AGAP1: variants seen among roughly 807,000 people sequenced by gnomAD.
AGAP1 encodes the protein ArfGAP with GTPase domain, ankyrin repeat and PH domain 1, also known as arf-GAP with GTPase, ANK repeat and PH domain-containing protein 1.
A neutral mutation model predicts 105.3 loss-of-function variants in AGAP1; 29 were observed. That is an observed-to-expected ratio of 0.28 (90% CI 0.21 to 0.38). AGAP1 has a LOEUF of 0.38. Among genes scored for constraint, AGAP1 ranks in the 10% least tolerant of loss-of-function variants. The probability of loss-of-function intolerance (pLI) is 1.00; values close to 1 mark genes in which losing one functional copy is unlikely to be tolerated. For missense variants in AGAP1, 998 were observed against 1,165.1 expected (o/e 0.86, Z 2.09); for synonymous variants, 509 against 485.9 (o/e 1.05, Z -0.63).
chr2:235,499,119 C>T (rs750103294), intron 1 of AGAP1, among the ~76,000 whole-genome samples: 6 of 152,284 alleles, frequency 3.9e-5, no homozygotes, highest in South Asian at 2.1e-4. Flanking sequence ...GACACTTGTG[C>T]GAGAGCGGTG....
chr2:235,568,174 A>G (rs1392700066), intron 1 of AGAP1, among the ~76,000 whole-genome samples: 6 of 152,122 alleles, frequency 3.9e-5, no homozygotes, highest in Admixed American at 6.5e-5. Flanking sequence ...AGGCCCCTGA[A>G]GGTGGCAGGT....
rs572563342 is a variant in AGAP1, at chr2:235,833,854, G to GGTT, written c.1050+26524_1050+26526dup. ...GCATCTCACTCCAATCCTCCAATCT[G>GGTT]GTTTTTTTTTTTTTTTTTTTAAAGC... On this transcript the variant is annotated intron_variant, in intron 9 of 17. Coordinates refer to ENST00000304032, the MANE Select transcript of AGAP1 (RefSeq NM_001037131.3). Among the ~76,000 whole-genome samples, 153 of 113,776 alleles carry GGTT rather than the reference G, an allele frequency of 1.3e-3. No homozygotes were observed. In the East Asian group the frequency reaches 0.029, roughly 22 times the overall value. 74.6% of individuals were successfully genotyped at this position (113,776 alleles called of 152,430 possible). A position where few individuals can be genotyped will look rare whatever the true frequency, so the allele number is the denominator to read the frequency against.
intron 13 of AGAP1, among the ~76,000 whole-genome samples, chr2:235,998,325 G>A (rs78513986): frequency 0.038 from 5,713 of 152,262 alleles, 145 homozygotes; most frequent in South Asian, 0.066. Context: ...GAGAAATCTA[G>A]GAGAAAGGGC....
Position 235,611,064 on chromosome 2 carries a change from A to G in AGAP1, c.164-98115A>G. Among the ~76,000 whole-genome samples the G allele has an allele frequency of 6.6e-6, 1 of 152,288 alleles. No homozygotes were observed. ...CCGCCTGCCTGCAACCCCATAGCCG[A>G]GTCAGCTCCCTGGATGGGCTAGTGT... is the stretch of plus-strand genomic sequence containing the variant. On this transcript the variant is annotated intron_variant, in intron 1 of 17. Transcript: ENST00000304032. The surrounding 1 kb of genome is among the most constrained non-coding windows in gnomAD (Gnocchi z 5.0).
intron 1 of AGAP1, among the ~76,000 whole-genome samples, chr2:235,643,865 G>A (rs1319383804): frequency 2.0e-5 from 3 of 152,092 alleles, no homozygotes; most frequent in Non-Finnish European, 4.4e-5. Context: ...AGGGCCCCTG[G>A]TATCTGAGCC....
At chr2:235,895,179 G>A (rs1413995111) in intron 10 of AGAP1, among the ~76,000 whole-genome samples, 2 of 152,172 alleles carry the variant, frequency 1.3e-5, no homozygotes, top group African/African-American at 4.8e-5. Flanking sequence ...GCTGTATGAA[G>A]AATAGCGGTT....
At chr2:236,094,109 T>A (rs1282687832) in intron 16 of AGAP1, among the ~76,000 whole-genome samples, 1 of 152,096 alleles carries the variant, frequency 6.6e-6, no homozygotes, top group Non-Finnish European at 1.5e-5. Context: ...CTCAGCTGTA[T>A]AACACCTGAA....
At position 235,788,917 on chromosome 2, in the gene AGAP1, G is replaced by A. The variant is rs1003641103; in HGVS notation, c.674-8842G>A. On this transcript the variant is annotated intron_variant, in intron 6 of 17. Coordinates refer to ENST00000304032, the MANE Select transcript of AGAP1 (RefSeq NM_001037131.3). The surrounding 1 kb of genome is among the most constrained non-coding windows in gnomAD (Gnocchi z 6.0). ...AACACAGGATCCCTGGTCCTCCTGA[G>A]GCCTGGAGCCTGGCAGTTGGTCAGC... is the stretch of plus-strand genomic sequence containing the variant. Among the ~76,000 whole-genome samples, 2 of 152,176 alleles carry A rather than the reference G, an allele frequency of 1.3e-5. No individual in the cohort carries two copies. Among genetic ancestry groups the A allele is most frequent in the Admixed American group, 1.3e-4 (2 of 15,270 alleles).
chr2:235,860,553 T>C (rs974999563), intron 9 of AGAP1, among the ~76,000 whole-genome samples: 2 of 152,232 alleles, frequency 1.3e-5, no homozygotes, highest in South Asian at 2.1e-4. Context: ...GTGAATCTTA[T>C]TCTCATTTGT....
intron 1 of AGAP1, among the ~76,000 whole-genome samples, chr2:235,504,090 C>T (rs2149008019): frequency 6.6e-6 from 1 of 152,272 alleles, no homozygotes; most frequent in Non-Finnish European, 1.5e-5. Context: ...CGCTATGTTG[C>T]CTTGGCCTCC....
chr2:235,823,213 C>T lies in AGAP1; in HGVS notation c.1050+15882C>T, dbSNP rs112766287. Among the ~76,000 whole-genome samples the T allele has an allele frequency of 3.9e-5, 6 of 152,136 alleles. No individual in the cohort carries two copies. In the East Asian group the frequency reaches 9.7e-4, roughly 24 times the overall value. On this transcript the variant is annotated intron_variant, in intron 9 of 17. Transcript: ENST00000304032. ...CATGTTATTATGATATGTAACATATCATTATGTATTATGTTAACAATTATA... is the reference window on the plus strand; with the variant it reads ...CATGTTATTATGATATGTAACATATTATTATGTATTATGTTAACAATTATA...
rs1427952399 is a variant in AGAP1 at position 235,981,812 on chromosome 2, C to G, written c.1645+13189C>G. Among the ~76,000 whole-genome samples the G allele has an allele frequency of 6.6e-6, 1 of 152,186 alleles. No individual in the cohort carries two copies. On this transcript the variant is annotated intron_variant, in intron 13 of 17. Transcript: ENST00000304032. The surrounding 1 kb of genome is among the most constrained non-coding windows in gnomAD (Gnocchi z 5.5). The stretch of plus-strand genomic sequence containing the variant: ...GAAAGCAGCGATAGGGCCACCGATC[C>G]AGGCGAGGGCAGCAGTGCTCGCCGC...
At chr2:235,542,408 G>A (rs923354912) in intron 1 of AGAP1, among the ~76,000 whole-genome samples, 3 of 152,212 alleles carry the variant, frequency 2.0e-5, no homozygotes, top group Admixed American at 2.0e-4. Flanking sequence ...TGCTCCTGCA[G>A]CTTCAGACAG....
chr2:235,783,013 G>A (rs1272740271), intron 6 of AGAP1, among the ~76,000 whole-genome samples: 3 of 140,614 alleles, frequency 2.1e-5, no homozygotes, highest in African/African-American at 8.1e-5. Flanking sequence ...CTTTGTGATC[G>A]GCAGGAGATT....
intron 9 of AGAP1, among the ~76,000 whole-genome samples, chr2:235,832,420 C>A (rs1446553039): frequency 6.6e-6 from 1 of 152,204 alleles, no homozygotes; most frequent in Non-Finnish European, 1.5e-5. Flanking sequence ...TTAATTTCAA[C>A]AATTTCTACA....
At chr2:235,538,119 G>T (rs1943301220) in intron 1 of AGAP1, among the ~76,000 whole-genome samples, 5 of 152,136 alleles carry the variant, frequency 3.3e-5, no homozygotes, top group Admixed American at 3.3e-4. Context: ...CCACTATGAA[G>T]TCTAATCCAT....
chr2:235,523,669 G>A (rs4146087), intron 1 of AGAP1, among the ~76,000 whole-genome samples: 114,060 of 152,074 alleles, frequency 0.75, 43,310 homozygotes, highest in East Asian at 0.91. Flanking sequence ...AGTGGGGTGG[G>A]AATGGGTGTC....
At chr2:235,895,550 A>G (rs4663631) in intron 10 of AGAP1, among the ~76,000 whole-genome samples, 111,563 of 152,006 alleles carry the variant, frequency 0.73, 41,475 homozygotes, top group East Asian at 0.96. Context: ...GAGTTTCCCC[A>G]CACTCGGCCT....
At position 235,824,445 on chromosome 2, in the gene AGAP1, G is replaced by A. The variant is rs894306194; in HGVS notation, c.1050+17114G>A. On this transcript the variant is annotated intron_variant, in intron 9 of 17. Transcript: ENST00000304032. The surrounding 1 kb of genome is among the most constrained non-coding windows in gnomAD (Gnocchi z 5.2). ...CTTGGCTACAGTAGCATTGAACTGT[G>A]AAGAAATAATGTTGTACAGCCAATC... Among the ~76,000 whole-genome samples the A allele has an allele frequency of 8.5e-5, 13 of 152,192 alleles. No homozygotes were observed. The South Asian group carries it at 1.4e-3, about 17-fold the overall frequency.
Sources: gnomAD v4.1 joint callset for allele counts (sites outside exome capture counted in the v4.1 genomes callset) on GRCh38, gnomAD v4.1.1 for gene constraint, Gnocchi (gnomAD v3.1) non-coding constraint, MANE v1.5 for transcripts, NCBI Gene and HGNC (gene_info 2026-07-23, HGNC 2026-07-21) for gene names.